The following PCDH15 variants were observed in gnomAD, a reference collection of about 807,000 sequenced individuals.
The protein encoded by PCDH15 is protocadherin-15.
Under a neutral mutation model 178.5 loss-of-function variants are expected in PCDH15, and 129 were observed. The ratio of observed to expected loss-of-function variants is 0.72; its 90% CI spans 0.63 to 0.84. The LOEUF (loss-of-function observed/expected upper bound fraction) is 0.84. Ranked by LOEUF, PCDH15 falls within the 40% of genes least tolerant of loss-of-function variation. The pLI is 0.00. For synonymous variants in PCDH15, 800 were observed against 732.0 expected, an observed-to-expected ratio of 1.09 and a Z score of -1.50; for missense variants, 2,230 against 2,099.9, an observed-to-expected ratio of 1.06 and a Z score of -1.21.
At chr10:54,465,236 T>C (rs1045482631) in intron 3 of PCDH15, among the ~76,000 whole-genome samples, 2 of 152,110 alleles carry the variant, frequency 1.3e-5, no homozygotes, top group African/African-American at 4.8e-5. Context: ...TAGAATACTT[T>C]TCATCTCAAT....
Position 54,529,731 on chromosome 10 carries a change from G to A in PCDH15, c.92-1854C>T, listed in dbSNP as rs538192156. On this transcript the variant is annotated intron_variant, in intron 2 of 37. Coordinates refer to ENST00000644397, the MANE Select transcript of PCDH15 (RefSeq NM_001384140.1). ...TATTTCACATATTTGCACCTAGTGC[G>A]AATTAATTTTGATTAAAGCCTTCCA... Among the ~76,000 whole-genome samples the A allele has an allele frequency of 7.2e-5, 11 of 152,108 alleles. No individual in the cohort carries two copies. In the South Asian group the frequency reaches 1.0e-3, roughly 14 times the overall value.
At chr10:55,566,992 G>T (rs1054541339) in intron 2 of PCDH15, among the ~76,000 whole-genome samples, 2 of 151,858 alleles carry the variant, frequency 1.3e-5, no homozygotes, top group Non-Finnish European at 2.9e-5. Context: ...TCCTAGAAAA[G>T]AACAAGCTAG....
At chr10:55,180,069 C>T (rs1459205026) in intron 1 of PCDH15, among the ~76,000 whole-genome samples, 1 of 152,000 alleles carries the variant, frequency 6.6e-6, no homozygotes, top group Non-Finnish European at 1.5e-5. Context: ...CTCACCAGAA[C>T]ATTCTGGAAA....
chr10:53,931,803 A>T (rs2085087264), intron 25 of PCDH15, among the ~76,000 whole-genome samples: 1 of 152,164 alleles, frequency 6.6e-6, no homozygotes, highest in African/African-American at 2.4e-5. Context: ...AATACTCCAA[A>T]TTTCATTTAA....
intron 2 of PCDH15, among the ~76,000 whole-genome samples, chr10:54,633,410 A>T (rs2093756400): frequency 6.6e-6 from 1 of 152,074 alleles, no homozygotes; most frequent in Admixed American, 6.6e-5. Flanking sequence ...ATTTGCATGA[A>T]CCTGAAAGTT....
intron 2 of PCDH15, among the ~76,000 whole-genome samples, chr10:54,936,053 T>C (rs917072509): frequency 6.6e-6 from 1 of 152,050 alleles, no homozygotes; most frequent in African/African-American, 2.4e-5. Flanking sequence ...TTCCCCTCAA[T>C]ACCCTCAGTT....
chr10:54,886,341 G>A (rs1334487147), intron 3 of PCDH15, among the ~76,000 whole-genome samples: 2 of 152,010 alleles, frequency 1.3e-5, no homozygotes, highest in Non-Finnish European at 2.9e-5. Context: ...AGACTTTTTG[G>A]CATTTCTCAT....
At chr10:55,047,782 T>A in intron 2 of PCDH15, among the ~76,000 whole-genome samples, 1 of 151,788 alleles carries the variant, frequency 6.6e-6, no homozygotes, top group East Asian at 1.9e-4. Flanking sequence ...CTGAACCTAC[T>A]TTTTTTCAGT....
chr10:55,554,338 AATTT>A (rs2132091175), intron 2 of PCDH15, among the ~76,000 whole-genome samples: 1 of 152,156 alleles, frequency 6.6e-6, no homozygotes, highest in South Asian at 2.1e-4. Context: ...AGGTTTTTTA[AATTT>A]ATTAATAGAC....
At chr10:55,000,648 A>G (rs986581045) in intron 2 of PCDH15, among the ~76,000 whole-genome samples, 1 of 152,332 alleles carries the variant, frequency 6.6e-6, no homozygotes, top group Non-Finnish European at 1.5e-5. Flanking sequence ...TGTCCATGAA[A>G]TCTTCACAAT....
At chr10:55,537,387 A>ATTTAT (rs1045213087) in intron 2 of PCDH15, among the ~76,000 whole-genome samples, 2 of 149,216 alleles carry the variant, frequency 1.3e-5, no homozygotes, top group African/African-American at 2.5e-5. Flanking sequence ...TATTTACTTT[A>ATTTAT]TTTATTTTAT....
intron 25 of PCDH15, among the ~76,000 whole-genome samples, chr10:53,910,803 T>A (rs577088203): frequency 6.6e-6 from 1 of 152,078 alleles, no homozygotes; most frequent in East Asian, 1.9e-4. Flanking sequence ...GAATAAACAG[T>A]GTAGAGAAGA....
intron 1 of PCDH15, among the ~76,000 whole-genome samples, chr10:55,169,004 ACT>A (rs1389158697): frequency 6.6e-6 from 1 of 152,086 alleles, no homozygotes; most frequent in Non-Finnish European, 1.5e-5. Context: ...GTGAGTACCA[ACT>A]CTCTGTGGTA....
chr10:54,112,092 G>A (rs960362968), intron 15 of PCDH15, among the ~76,000 whole-genome samples: 6 of 151,790 alleles, frequency 4.0e-5, no homozygotes, highest in African/African-American at 1.5e-4. Flanking sequence ...GCAGTGAGTC[G>A]AGATCATGGC....
At chr10:53,944,722 GAT>G (rs1393719672) in intron 23 of PCDH15, among the ~76,000 whole-genome samples, 1 of 152,206 alleles carries the variant, frequency 6.6e-6, no homozygotes, top group Admixed American at 6.5e-5. Flanking sequence ...TGTAGCTTGA[GAT>G]AGATACCAAC....
chr10:55,292,541 C>T (rs929329284), intron 1 of PCDH15, among the ~76,000 whole-genome samples: 5 of 151,938 alleles, frequency 3.3e-5, no homozygotes, highest in Non-Finnish European at 7.4e-5. Flanking sequence ...GCCACCACGA[C>T]CGGCTAATTT....
intron 2 of PCDH15, among the ~76,000 whole-genome samples, chr10:55,442,455 TTA>T (rs5785131): frequency 2.6e-4 from 32 of 121,140 alleles, no homozygotes; most frequent in African/African-American, 6.9e-4. Flanking sequence ...CTTAATTTGA[TTA>T]TATATATATA....
chr10:54,356,230 C>G (rs1387276473), intron 5 of PCDH15, among the ~76,000 whole-genome samples: 1 of 151,960 alleles, frequency 6.6e-6, no homozygotes, highest in Non-Finnish European at 1.5e-5. Flanking sequence ...ATTTTTGAAA[C>G]ATTCATGCAC....
At chr10:55,024,640 T>G (rs1840430339) in intron 2 of PCDH15, among the ~76,000 whole-genome samples, 1 of 152,064 alleles carries the variant, frequency 6.6e-6, no homozygotes, top group Non-Finnish European at 1.5e-5. Context: ...GTACCCCATC[T>G]CAAGAAACTG....
Sources: allele counts gnomAD v4.1 joint callset (sites outside exome capture counted in the v4.1 genomes callset), GRCh38; gene constraint gnomAD v4.1.1; transcripts MANE v1.5; gene names NCBI Gene and HGNC (gene_info 2026-07-23, HGNC 2026-07-21).